Variants in MARVELD1 observed in about 807,000 individuals in gnomAD.
MARVELD1 encodes MARVEL domain containing 1.
MARVELD1 carries 7 observed loss-of-function variants against 11.3 expected under a neutral mutation model. The observed-to-expected ratio is 0.62, with a 90% CI of 0.35 to 1.16. The LOEUF is 1.16. Ranked by LOEUF, MARVELD1 falls within the 50% of genes most tolerant of loss-of-function variation. MARVELD1 has a pLI of 0.02. For missense variants in MARVELD1, 216 were observed against 243.8 expected (o/e 0.89, Z 0.76); for synonymous variants, 119 against 121.4 (o/e 0.98, Z 0.13).
At chr10:97,716,057 C>T (rs2041910173) in intron 1 of MARVELD1, 72 bp downstream of exon 1, 1 of 152,158 alleles carries the variant, frequency 6.6e-6, no homozygotes, top group South Asian at 2.1e-4. Flanking sequence ...TACTCCTTTT[C>T]CAGAAGTTAA....
At position 97,715,385 on chromosome 10, in the gene MARVELD1, A is replaced by G. The variant is rs1361099990; in HGVS notation, c.*987A>G. Reference sequence around the variant, plus strand: ...AGATTGGAACCCAGACTTGCAGTCCAGCGCTGTTTGCATTAAAAGGGTGGG... The same window carrying G: ...AGATTGGAACCCAGACTTGCAGTCCGGCGCTGTTTGCATTAAAAGGGTGGG... On this transcript the variant is annotated 3_prime_UTR_variant, in exon 1 of 2. Coordinates refer to ENST00000285605, the MANE Select transcript of MARVELD1 (RefSeq NM_031484.4). 1 of 152,236 alleles carries G rather than the reference A, an allele frequency of 6.6e-6. No individual in the cohort carries two copies. The highest frequency in any genetic ancestry group is 1.5e-5 in the Non-Finnish European group (1 of 68,074). 9.4% of individuals were successfully genotyped at this position (152,236 alleles called of 1,614,324 possible). A position where few individuals can be genotyped will look rare whatever the true frequency, so the allele number is the denominator to read the frequency against.
rs903412616 is a variant in MARVELD1 at position 97,714,164 on chromosome 10, G to C, written c.288G>C (p.Met96Ile). The C allele has an allele frequency of 2.6e-6, 4 of 1,536,960 alleles. No homozygotes were observed. In the East Asian group the frequency reaches 7.3e-5, roughly 28 times the overall value. The change falls in exon 1 of 2, where the codon ATG becomes ATC. Residue 96 changes from methionine to isoleucine, a missense_variant. Met to Ile is a conservative substitution (Grantham distance 10, BLOSUM62 1). Transcript: ENST00000285605. The surrounding 1 kb of genome is among the most constrained non-coding windows in gnomAD (Gnocchi z 7.4). ...LVPVLGSRWLMVNVAHDVLAA... is the reference protein window; with the variant it reads ...LVPVLGSRWLIVNVAHDVLAA... ...CCGTGCTGGGCTCGCGCTGGCTCATGGTCAACGTGGCGCACGATGTGCTGG... is the reference window on the plus strand; with the variant it reads ...CCGTGCTGGGCTCGCGCTGGCTCATCGTCAACGTGGCGCACGATGTGCTGG...
Position 97,714,156 on chromosome 10 carries a change from T to G in MARVELD1, c.280T>G (p.Trp94Gly). The G allele has an allele frequency of 6.5e-7, 1 of 1,536,902 alleles. No individual in the cohort carries two copies. Among genetic ancestry groups the G allele is most frequent in the Non-Finnish European group, 8.7e-7 (1 of 1,146,698 alleles). Residue 94 changes from tryptophan (W) to glycine (G), a missense_variant, in exon 1 of 2, where the codon TGG becomes GGG. By Grantham distance (184) the Trp-to-Gly change is radical. Transcript: ENST00000285605. This position sits in a 1 kb window ranked among gnomAD's most constrained non-coding sequence, Gnocchi z 7.4. Reference protein sequence around the residue: ...HELVPVLGSRWLMVNVAHDVL... With the variant: ...HELVPVLGSRGLMVNVAHDVL... Reference sequence around the variant, plus strand: ...GCTGGTCCCCGTGCTGGGCTCGCGCTGGCTCATGGTCAACGTGGCGCACGA... The same window carrying G: ...GCTGGTCCCCGTGCTGGGCTCGCGCGGGCTCATGGTCAACGTGGCGCACGA...
rs2041890833 is a variant in MARVELD1, at chr10:97,713,848, C to A, written c.-29C>A. The A allele has an allele frequency of 2.0e-6, 1 of 495,974 alleles. No homozygotes were observed. Among genetic ancestry groups the A allele is most frequent in the Non-Finnish European group, 2.6e-6 (1 of 385,430 alleles). 30.7% of individuals were successfully genotyped at this position (495,974 alleles called of 1,614,324 possible). On this transcript the variant is annotated 5_prime_UTR_variant, in exon 1 of 2. Transcript: ENST00000285605. This position sits in a 1 kb window ranked among gnomAD's most constrained non-coding sequence, Gnocchi z 5.7. Reference sequence around the variant, plus strand: ...GCCGCCATTCCGCTGCTCGGGGCGCCGCCGCCGCCGCCACCGCGCCCAGGG... The same window carrying A: ...GCCGCCATTCCGCTGCTCGGGGCGCAGCCGCCGCCGCCACCGCGCCCAGGG...
intron 1 of MARVELD1, among the ~76,000 whole-genome samples, chr10:97,716,261 T>G (rs1357675338): frequency 6.6e-6 from 1 of 152,182 alleles, no homozygotes; most frequent in Non-Finnish European, 1.5e-5. Flanking sequence ...TATGGCTCAA[T>G]GCAGTCTCGA....
Position 97,714,011 on chromosome 10 carries a change from C to G in MARVELD1, c.135C>G (p.Phe45Leu), listed in dbSNP as rs866914939. The change falls in exon 1 of 2, where the codon TTC (phenylalanine) becomes TTG (leucine). Residue 45 changes from phenylalanine (F) to leucine (L), a missense_variant. By Grantham distance (22) the Phe-to-Leu change is conservative. Coordinates refer to ENST00000285605, the MANE Select transcript of MARVELD1 (RefSeq NM_031484.4). This position sits in a 1 kb window ranked among gnomAD's most constrained non-coding sequence, Gnocchi z 7.4. Reference sequence around the variant, plus strand: ...TGCAGCTGCTGGCCGGCGCTGCCTTCTGGATCACTATCGCCACCAGCAAGT... The same window carrying G: ...TGCAGCTGCTGGCCGGCGCTGCCTTGTGGATCACTATCGCCACCAGCAAGT... ...RLLQLLAGAA[F>L]WITIATSKYQ... is the part of the protein sequence containing the mutation. The G allele has an allele frequency of 6.5e-7, 1 of 1,536,376 alleles. No individual in the cohort carries two copies. The highest frequency in any genetic ancestry group is 1.7e-4 in the Middle Eastern group (1 of 5,986).
chr10:97,714,619 C>G lies in MARVELD1; in HGVS notation c.*221C>G. 4.2e-6 allele frequency: 2 copies of G among 476,294 alleles called. No individual in the cohort carries two copies. The highest frequency in any genetic ancestry group is 7.3e-6 in the Non-Finnish European group (2 of 273,320). 29.5% of individuals were successfully genotyped at this position (476,294 alleles called of 1,614,324 possible). A position where few individuals can be genotyped will look rare whatever the true frequency, so the allele number is the denominator to read the frequency against. On this transcript the variant is annotated 3_prime_UTR_variant, in exon 1 of 2. Transcript: ENST00000285605. The surrounding 1 kb of genome is among the most constrained non-coding windows in gnomAD (Gnocchi z 7.4). ...CAGAATCCCAGCCCAGAATCCCGACCGCCGCGCCGGACGCGCCGTCTCCCG... is the reference window on the plus strand; with the variant it reads ...CAGAATCCCAGCCCAGAATCCCGACGGCCGCGCCGGACGCGCCGTCTCCCG...
Position 97,714,260 on chromosome 10 carries a change from C to T in MARVELD1, c.384C>T (p.Leu128=), listed in dbSNP as rs552030454. Residue 128 remains leucine (L), a synonymous_variant, in exon 1 of 2, where the codon CTC becomes CTT. Coordinates refer to ENST00000285605, the MANE Select transcript of MARVELD1 (RefSeq NM_031484.4). This position sits in a 1 kb window ranked among gnomAD's most constrained non-coding sequence, Gnocchi z 7.4. ...TGCAGCGCCACAGCTACTGCAACCT[C>T]AAGGATTACCCGCTCCCCTGCGCCT... ...DQMQRHSYCN[L]KDYPLPCAYH... 2 of 1,536,904 alleles carry T rather than the reference C, an allele frequency of 1.3e-6. No homozygotes were observed. Among genetic ancestry groups the T allele is most frequent in the African/African-American group, 2.7e-5 (2 of 73,172 alleles).
Position 97,714,618 on chromosome 10 carries a change from C to T in MARVELD1, c.*220C>T. ...CCAGAATCCCAGCCCAGAATCCCGA[C>T]CGCCGCGCCGGACGCGCCGTCTCCC... On this transcript the variant is annotated 3_prime_UTR_variant, in exon 1 of 2. Transcript: ENST00000285605. The surrounding 1 kb of genome is among the most constrained non-coding windows in gnomAD (Gnocchi z 7.4). 1 of 477,634 alleles carries T rather than the reference C, an allele frequency of 2.1e-6. No individual in the cohort carries two copies. Among genetic ancestry groups the T allele is most frequent in the Non-Finnish European group, 3.6e-6 (1 of 274,208 alleles). 29.6% of individuals were successfully genotyped at this position (477,634 alleles called of 1,614,324 possible).
In MARVELD1 at chr10:97,713,914, C is replaced by G. The variant is rs1291682060; in HGVS notation, c.38C>G (p.Ala13Gly). The G allele has an allele frequency of 8.1e-7, 1 of 1,229,070 alleles. No individual in the cohort carries two copies. The highest frequency in any genetic ancestry group is 4.0e-5 in the East Asian group (1 of 25,056). 76.1% of individuals were successfully genotyped at this position (1,229,070 alleles called of 1,614,324 possible). Residue 13 changes from alanine to glycine, a missense_variant, in exon 1 of 2, where the codon GCG becomes GGG. Coordinates refer to ENST00000285605, the MANE Select transcript of MARVELD1 (RefSeq NM_031484.4). The surrounding 1 kb of genome is among the most constrained non-coding windows in gnomAD (Gnocchi z 5.7). ...CCCCCGCGCCAGCCGCCGCCCCAGG[C>G]GCGTGCGGCCCGCGGCGCGGTGCGC... Reference protein sequence around the residue: ...PPPPRQPPPQARAARGAVRLQ... With the variant: ...PPPPRQPPPQGRAARGAVRLQ...
Position 97,714,202 on chromosome 10 carries a change from A to G in MARVELD1, c.326A>G (p.Tyr109Cys). Residue 109 changes from tyrosine to cysteine, a missense_variant, in exon 1 of 2, where the codon TAC becomes TGC. Transcript: ENST00000285605. The surrounding 1 kb of genome is among the most constrained non-coding windows in gnomAD (Gnocchi z 7.4). Reference sequence around the variant, plus strand: ...CACGATGTGCTGGCGGCCGCGCTCTACGGCGCCGCCACCGGCATCATGAGC... The same window carrying G: ...CACGATGTGCTGGCGGCCGCGCTCTGCGGCGCCGCCACCGGCATCATGAGC... Reference protein sequence around the residue: ...VAHDVLAAALYGAATGIMSDQ... With the variant: ...VAHDVLAAALCGAATGIMSDQ... The G allele has an allele frequency of 6.5e-7, 1 of 1,535,692 alleles. No individual in the cohort carries two copies. Among genetic ancestry groups the G allele is most frequent in the Non-Finnish European group, 8.7e-7 (1 of 1,146,326 alleles).
rs1056619950 is a variant in MARVELD1 at position 97,713,983 on chromosome 10, T to G, written c.107T>G (p.Leu36Arg). ...FLRSPLGVLR[L>R]LQLLAGAAFW... ...CGCAGCCCGCTGGGCGTGTTGCGGC[T>G]GCTGCAGCTGCTGGCCGGCGCTGCC... The change falls in exon 1 of 2, where the codon CTG (leucine) becomes CGG (arginine). Residue 36 changes from leucine to arginine, a missense_variant. By Grantham distance (102) the Leu-to-Arg change is moderately radical (BLOSUM62 -2). Transcript: ENST00000285605. The surrounding 1 kb of genome is among the most constrained non-coding windows in gnomAD (Gnocchi z 5.7). 8 of 1,534,684 alleles carry G rather than the reference T, an allele frequency of 5.2e-6. No individual in the cohort carries two copies. In the African/African-American group the frequency reaches 8.2e-5, roughly 16 times the overall value.
rs896464974 is a variant in MARVELD1 at position 97,715,109 on chromosome 10, C to T, written c.*711C>T. 3.9e-5 allele frequency: 6 copies of T among 152,536 alleles called. No homozygotes were observed. The highest frequency in any genetic ancestry group is 1.2e-4 in the African/African-American group (5 of 41,464). 9.4% of individuals were successfully genotyped at this position (152,536 alleles called of 1,614,324 possible). On this transcript the variant is annotated 3_prime_UTR_variant, in exon 1 of 2. Transcript: ENST00000285605. ...TTACACTTGTGGAGTCTCCTCTTGC[C>T]TCTACCTACTCCGCCTTTGTCCTTA...
chr10:97,714,363 G>T lies in MARVELD1; in HGVS notation c.487G>T (p.Gly163Trp). 1 of 1,530,734 alleles carries T rather than the reference G, an allele frequency of 6.5e-7. No homozygotes were observed. The highest frequency in any genetic ancestry group is 8.7e-7 in the Non-Finnish European group (1 of 1,144,762). The allele number at this position is 1,530,734 out of a possible 1,614,324, so 94.8% of individuals were successfully genotyped here. A position where few individuals can be genotyped will look rare whatever the true frequency, so the allele number is the denominator to read the frequency against. ...LYLLSALYGC[G>W]RRCQGKQEVA ...CCTGCTTTCGGCGCTCTATGGCTGC[G>T]GGCGTCGCTGCCAGGGCAAGCAGGA... Residue 163 changes from glycine (G) to tryptophan (W), a missense_variant, in exon 1 of 2, where the codon GGG becomes TGG. Physicochemically the swap from Gly to Trp is radical, Grantham distance 184. Transcript: ENST00000285605. This position sits in a 1 kb window ranked among gnomAD's most constrained non-coding sequence, Gnocchi z 7.4.
At position 97,714,717 on chromosome 10, in the gene MARVELD1, G is replaced by A; in HGVS notation, c.*319G>A. On this transcript the variant is annotated 3_prime_UTR_variant, in exon 1 of 2. Transcript: ENST00000285605. This position sits in a 1 kb window ranked among gnomAD's most constrained non-coding sequence, Gnocchi z 7.4. ...GAGCCGCCCCGAGGCGAAACCTCGC[G>A]GTTCCTCTTCCCTTCCCTGCTGAGA... is the stretch of plus-strand genomic sequence containing the variant. The A allele has an allele frequency of 2.9e-6, 1 of 339,106 alleles. No individual in the cohort carries two copies. The highest frequency in any genetic ancestry group is 5.8e-5 in the South Asian group (1 of 17,312). 21.0% of individuals were successfully genotyped at this position (339,106 alleles called of 1,614,324 possible). A position where few individuals can be genotyped will look rare whatever the true frequency, so the allele number is the denominator to read the frequency against.
Position 97,715,939 on chromosome 10 carries a change from A to G in MARVELD1, c.*1541A>G, listed in dbSNP as rs899474517. On this transcript the variant is annotated 3_prime_UTR_variant, in exon 1 of 2. Coordinates refer to ENST00000285605, the MANE Select transcript of MARVELD1 (RefSeq NM_031484.4). ...GGGTGGGTCTCCCTTACCAAAGAGA[A>G]GAACCACTCTCTGGCGCTGGGGTGA... The G allele has an allele frequency of 2.0e-5, 3 of 152,260 alleles. No homozygotes were observed. Among genetic ancestry groups the G allele is most frequent in the African/African-American group, 7.2e-5 (3 of 41,460 alleles). The allele number at this position is 152,260 out of a possible 1,614,324, so 9.4% of individuals were successfully genotyped here.
At position 97,713,887 on chromosome 10, in the gene MARVELD1, C is replaced by T. The variant is rs1355236513; in HGVS notation, c.11C>T (p.Pro4Leu). 2 of 899,688 alleles carry T rather than the reference C, an allele frequency of 2.2e-6. No homozygotes were observed. Among genetic ancestry groups the T allele is most frequent in the Admixed American group, 5.9e-5 (1 of 16,830 alleles). The allele number at this position is 899,688 out of a possible 1,614,324, so 55.7% of individuals were successfully genotyped here. The change falls in exon 1 of 2, where the codon CCG becomes CTG. Residue 4 changes from proline (P) to leucine (L), a missense_variant. Physicochemically the swap from Pro to Leu is moderately conservative, Grantham distance 98 (BLOSUM62 -3). Transcript: ENST00000285605. The surrounding 1 kb of genome is among the most constrained non-coding windows in gnomAD (Gnocchi z 5.7). Reference sequence around the variant, plus strand: ...CCGCGCCCAGGGGCCATGCTCCCGCCGCCCCCGCGCCAGCCGCCGCCCCAG... The same window carrying T: ...CCGCGCCCAGGGGCCATGCTCCCGCTGCCCCCGCGCCAGCCGCCGCCCCAG... Reference protein sequence around the residue: MLPPPPRQPPPQAR... With the variant: MLPLPPRQPPPQAR...
rs1408995073 is a variant in MARVELD1 at position 97,713,873 on chromosome 10, G to A, written c.-4G>A. 5 of 725,344 alleles carry A rather than the reference G, an allele frequency of 6.9e-6. No individual in the cohort carries two copies. The highest frequency in any genetic ancestry group is 8.4e-6 in the Non-Finnish European group (5 of 593,756). The allele number at this position is 725,344 out of a possible 1,614,324, so 44.9% of individuals were successfully genotyped here. ...CGCCGCCGCCGCCACCGCGCCCAGG[G>A]GCCATGCTCCCGCCGCCCCCGCGCC... On this transcript the variant is annotated 5_prime_UTR_variant, in exon 1 of 2. Transcript: ENST00000285605. This position sits in a 1 kb window ranked among gnomAD's most constrained non-coding sequence, Gnocchi z 5.7.
chr10:97,716,625 A>G (rs2041914161), intron 1 of MARVELD1, among the ~76,000 whole-genome samples: 1 of 152,168 alleles, frequency 6.6e-6, no homozygotes, highest in Admixed American at 6.5e-5. Context: ...GTGTAGTTTC[A>G]GGGTGTGTGA....
Sources: allele counts gnomAD v4.1 joint callset (sites outside exome capture counted in the v4.1 genomes callset), GRCh38; gene constraint gnomAD v4.1.1; non-coding constraint Gnocchi (gnomAD v3.1); transcripts MANE v1.5; gene names NCBI Gene and HGNC (gene_info 2026-07-23, HGNC 2026-07-21).